Variants in LGR4 observed in about 807,000 individuals in gnomAD.
LGR4 encodes leucine rich repeat containing G protein-coupled receptor 4.
Under a neutral mutation model 84.8 loss-of-function variants are expected in LGR4, and 44 were observed. That is an observed-to-expected ratio of 0.52 (90% CI 0.41 to 0.67). LGR4 has a LOEUF of 0.67. Ranked by LOEUF, LGR4 falls within the 30% of genes least tolerant of loss-of-function variation. The probability of loss-of-function intolerance (pLI) is 0.00; values close to 1 mark genes in which losing one functional copy is unlikely to be tolerated. For missense variants in LGR4, 1,032 were observed against 1,131.4 expected (o/e 0.91, Z 1.26); for synonymous variants, 429 against 434.3 (o/e 0.99, Z 0.15).
chr11:27,405,238 C>G (rs888610258), intron 2 of LGR4, among the ~76,000 whole-genome samples: 2 of 152,138 alleles, frequency 1.3e-5, no homozygotes, highest in African/African-American at 4.8e-5. Flanking sequence ...CAGTGTTGAT[C>G]TCTCATTTCT....
chr11:27,434,401 T>C (rs1314065840), intron 1 of LGR4, among the ~76,000 whole-genome samples: 1 of 152,230 alleles, frequency 6.6e-6, no homozygotes, highest in Non-Finnish European at 1.5e-5. Context: ...AAATGTTTAA[T>C]ATAGCTTAGT....
chr11:27,410,983 C>A (rs956777471), intron 2 of LGR4, among the ~76,000 whole-genome samples: 8 of 152,024 alleles, frequency 5.3e-5, no homozygotes, highest in Non-Finnish European at 1.0e-4. Context: ...GCAGATTAAC[C>A]AGGTTTGACT....
Position 27,368,515 on chromosome 11 carries a change from G to A in LGR4, c.2208C>T (p.Asp736=). 6.2e-7 allele frequency: 1 copy of A among 1,614,116 alleles called. No homozygotes were observed. Among genetic ancestry groups the A allele is most frequent in the Non-Finnish European group, 8.5e-7 (1 of 1,179,982 alleles). The stretch of plus-strand genomic sequence containing the variant: ...TGCTAGATTGTGAGTTTTCTGAGAG[G>A]TCCTCTTTTTCCAAGTTGCAGTATA... ...TKLYCNLEKE[D]LSENSQSSMI... is the part of the protein sequence containing the mutation. The change falls in exon 18 of 18, where the codon GAC becomes GAT. Residue 736 remains aspartate (D), a synonymous_variant. Coordinates refer to ENST00000379214, the MANE Select transcript of LGR4 (RefSeq NM_018490.5).
rs370529975 is a variant in LGR4, at chr11:27,462,331, TC to T, written c.185+9786del. ...GCCATCTCAGGAAGGCAGCAACAAG[TC>T]ACAGAGACCCAGGCAAAAATGTAAG... is the stretch of plus-strand genomic sequence containing the variant. On this transcript the variant is annotated intron_variant, in intron 1 of 17. Transcript: ENST00000379214. 1.9e-3 allele frequency among the ~76,000 whole-genome samples: 283 copies of T among 152,242 alleles called. 1 individual carries two copies. The highest frequency in any genetic ancestry group is 5.4e-3 in the African/African-American group (225 of 41,534).
intron 7 of LGR4, 134 bp downstream of exon 7, chr11:27,382,054 G>T (rs1037068747): frequency 3.2e-6 from 2 of 633,950 alleles, no homozygotes; most frequent in African/African-American, 3.7e-5. Flanking sequence ...CCAACTTTAT[G>T]ATTATTTGTG....
At chr11:27,431,360 G>A (rs1864113885) in intron 1 of LGR4, among the ~76,000 whole-genome samples, 1 of 152,088 alleles carries the variant, frequency 6.6e-6, no homozygotes, top group South Asian at 2.1e-4. Flanking sequence ...ATATTACAAT[G>A]GCCCCTTATG....
chr11:27,367,862 G>A lies in LGR4; in HGVS notation c.*5C>T. ...GACGGGGGAAACGGTTACACACACAGTAGTTCAGTCTTTAACTCTTGGTAG... is the reference window on the plus strand; with the variant it reads ...GACGGGGGAAACGGTTACACACACAATAGTTCAGTCTTTAACTCTTGGTAG... On this transcript the variant is annotated 3_prime_UTR_variant, in exon 18 of 18. Transcript: ENST00000379214. 6.4e-7 allele frequency: 1 copy of A among 1,573,122 alleles called. No homozygotes were observed. Among genetic ancestry groups the A allele is most frequent in the African/African-American group, 1.4e-5 (1 of 73,066 alleles).
chr11:27,382,548 CATCTGA>C (rs1863116750), intron 6 of LGR4, among the ~76,000 whole-genome samples: 4 of 152,130 alleles, frequency 2.6e-5, no homozygotes, highest in Admixed American at 2.0e-4. Context: ...ATACATAAAT[CATCTGA>C]ATGGTATTTC....
At position 27,380,914 on chromosome 11, in the gene LGR4, T is replaced by G. The variant is rs1325318448; in HGVS notation, c.811A>C (p.Asn271His). ...ACTTACATAGTTCTTAAGAGTGGAT[T>G]ACCATCAAATGCTCCATCAGGGATA... is the stretch of plus-strand genomic sequence containing the variant. ...SVIPDGAFDGNPLLRTIHLYD... is the reference protein window; with the variant it reads ...SVIPDGAFDGHPLLRTIHLYD... The change falls in exon 8 of 18, where the codon AAT (asparagine) becomes CAT (histidine). Residue 271 changes from asparagine (N) to histidine (H), a missense_variant. Transcript: ENST00000379214. The G allele has an allele frequency of 6.5e-7, 1 of 1,550,278 alleles. No homozygotes were observed. Among genetic ancestry groups the G allele is most frequent in the African/African-American group, 1.4e-5 (1 of 73,536 alleles).
At chr11:27,462,543 A>C (rs1864701334) in intron 1 of LGR4, among the ~76,000 whole-genome samples, 1 of 152,216 alleles carries the variant, frequency 6.6e-6, no homozygotes, top group Non-Finnish European at 1.5e-5. Context: ...TTTTTCCATT[A>C]GCACAGTGGC....
intron 1 of LGR4, among the ~76,000 whole-genome samples, chr11:27,421,804 T>A (rs1863927488): frequency 6.6e-6 from 1 of 152,244 alleles, no homozygotes; most frequent in Admixed American, 6.5e-5. Context: ...AGGCTAGTTT[T>A]CACAAGTGTG....
intron 2 of LGR4, among the ~76,000 whole-genome samples, chr11:27,404,219 GAACCC>G (rs1863558982): frequency 6.6e-6 from 1 of 152,090 alleles, no homozygotes; most frequent in African/African-American, 2.4e-5. Flanking sequence ...TACACTTTTG[GAACCC>G]CATGCCAAAC....
At chr11:27,408,806 G>A (rs1863658522) in intron 2 of LGR4, among the ~76,000 whole-genome samples, 2 of 152,036 alleles carry the variant, frequency 1.3e-5, no homozygotes, top group South Asian at 2.1e-4. Context: ...AATTTCTCAC[G>A]GCGACATAGC....
intron 1 of LGR4, among the ~76,000 whole-genome samples, chr11:27,431,941 G>A (rs892238464): frequency 6.6e-6 from 1 of 152,138 alleles, no homozygotes; most frequent in Non-Finnish European, 1.5e-5. Flanking sequence ...GTTGCTGTGA[G>A]AATAAAGTAA....
At chr11:27,406,933 C>G (rs1863622131) in intron 2 of LGR4, among the ~76,000 whole-genome samples, 1 of 152,078 alleles carries the variant, frequency 6.6e-6, no homozygotes, top group Non-Finnish European at 1.5e-5. Flanking sequence ...AAGGGAATTC[C>G]TTGTATTAGA....
In LGR4 at chr11:27,463,160, G is replaced by A. The variant is rs114587246; in HGVS notation, c.185+8958C>T. Among the ~76,000 whole-genome samples the A allele has an allele frequency of 3.1e-3, 471 of 151,606 alleles. 2 individuals are homozygous for A. The highest frequency in any genetic ancestry group is 0.011 in the African/African-American group (455 of 41,334). On this transcript the variant is annotated intron_variant, in intron 1 of 17. Transcript: ENST00000379214. ...CTAGCTACTTCGGAGACTGAGGTACGAGGATGCCCTTAGCCTGGGAGGTTG... is the reference window on the plus strand; with the variant it reads ...CTAGCTACTTCGGAGACTGAGGTACAAGGATGCCCTTAGCCTGGGAGGTTG...
At chr11:27,419,331 A>C (rs2133406627) in intron 1 of LGR4, among the ~76,000 whole-genome samples, 1 of 152,056 alleles carries the variant, frequency 6.6e-6, no homozygotes, top group East Asian at 1.9e-4. Flanking sequence ...AGTAGTTACG[A>C]AGGAAATGCA....
chr11:27,371,058 G>T (rs1322000234), intron 17 of LGR4, among the ~76,000 whole-genome samples: 1 of 152,128 alleles, frequency 6.6e-6, no homozygotes, highest in Non-Finnish European at 1.5e-5. Flanking sequence ...AGATTATCCT[G>T]TGATATTATA....
chr11:27,404,162 T>G (rs1863557024), intron 2 of LGR4, among the ~76,000 whole-genome samples: 1 of 152,188 alleles, frequency 6.6e-6, no homozygotes, highest in South Asian at 2.1e-4. Context: ...TCAGTATTGA[T>G]TAAAATAAAT....
Sources: allele counts gnomAD v4.1 joint callset (sites outside exome capture counted in the v4.1 genomes callset), GRCh38; gene constraint gnomAD v4.1.1; transcripts MANE v1.5; gene names NCBI Gene and HGNC (gene_info 2026-07-23, HGNC 2026-07-21).